TRMT11: variants seen among roughly 807,000 people sequenced by gnomAD.
The protein encoded by TRMT11 is tRNA (guanine(10)-N(2))-methyltransferase TRMT11.
Under a neutral mutation model 62.8 loss-of-function variants are expected in TRMT11, and 53 were observed. The ratio of observed to expected loss-of-function variants is 0.84; its 90% confidence interval spans 0.68 to 1.06. The LOEUF is 1.06. Ranked by LOEUF, TRMT11 falls within the 50% of genes least tolerant of loss-of-function variation. The pLI, the probability that TRMT11 is intolerant of heterozygous loss-of-function variation, is 0.00. For synonymous variants in TRMT11, 188 were observed against 190.3 expected, an observed-to-expected ratio of 0.99 and a Z score of 0.10; for missense variants, 556 against 553.4, an observed-to-expected ratio of 1.00 and a Z score of -0.05.
In TRMT11 at chr6:125,998,009, A is replaced by G. The variant is rs1178486613; in HGVS notation, c.213-44A>G. ...AATGACTGTATGTATTCCTGTGTGA[A>G]CTAAGTTCTTTACTGAGGTTAGTAC... On this transcript the variant is annotated intron_variant, in intron 3 of 12. Coordinates refer to ENST00000334379, the MANE Select transcript of TRMT11 (RefSeq NM_001031712.3). 3 of 1,337,244 alleles carry G rather than the reference A, an allele frequency of 2.2e-6. 1 individual carries two copies. Among genetic ancestry groups the G allele is most frequent in the Non-Finnish European group, 3.2e-6 (3 of 929,846 alleles). The allele number at this position is 1,337,244 out of a possible 1,614,324, so 82.8% of individuals were successfully genotyped here.
At chr6:126,183,287 C>A (rs1036078816) in intron 1 of TRMT11, among the ~76,000 whole-genome samples, 3 of 152,066 alleles carry the variant, frequency 2.0e-5, no homozygotes, top group African/African-American at 7.2e-5. Context: ...AACTGTAAGA[C>A]TTTTTATGAG....
At chr6:126,192,788 A>G (rs1435076371) in intron 1 of TRMT11, among the ~76,000 whole-genome samples, 1 of 152,184 alleles carries the variant, frequency 6.6e-6, no homozygotes, top group Non-Finnish European at 1.5e-5. Context: ...CCCTGGGAGA[A>G]ATCCCACTTG....
chr6:126,158,464 A>G (rs1426570087), intron 21 of TRMT11, among the ~76,000 whole-genome samples: 1 of 152,228 alleles, frequency 6.6e-6, no homozygotes, highest in African/African-American at 2.4e-5. Context: ...GGAAGACTAT[A>G]GGAGGAAGCT....
At chr6:126,058,978 G>C (rs186371628) in intron 17 of TRMT11, among the ~76,000 whole-genome samples, 27 of 151,392 alleles carry the variant, frequency 1.8e-4, no homozygotes, top group African/African-American at 6.3e-4. Context: ...TTATTCTCTT[G>C]TATTCCCCTG....
At chr6:126,077,759 C>T (rs1277574913) in intron 17 of TRMT11, among the ~76,000 whole-genome samples, 1 of 152,150 alleles carries the variant, frequency 6.6e-6, no homozygotes, top group Non-Finnish European at 1.5e-5. Flanking sequence ...TTTTTCACAA[C>T]CTAGTTTGGT....
the TRMT11 span, chr6:126,258,494 C>T: frequency 4.6e-6 from 1 of 216,174 alleles, no homozygotes; most frequent in Non-Finnish European, 9.3e-6. Context: ...ACAGCTGCAG[C>T]ATGCGGAGCC....
At chr6:126,260,916 A>G in the TRMT11 span, among the ~76,000 whole-genome samples, 3 of 152,112 alleles carry the variant, frequency 2.0e-5, no homozygotes, top group Non-Finnish European at 4.4e-5. Context: ...ATTTTTTGGA[A>G]GTTGAATCTA....
intron 17 of TRMT11, among the ~76,000 whole-genome samples, chr6:126,055,788 T>C (rs1001703955): frequency 6.6e-6 from 1 of 152,238 alleles, no homozygotes; most frequent in African/African-American, 2.4e-5. Context: ...TCCTCAGTGT[T>C]CTATAAAGTT....
intron 21 of TRMT11, among the ~76,000 whole-genome samples, chr6:126,160,796 T>A (rs772141524): frequency 6.6e-6 from 1 of 152,180 alleles, no homozygotes; most frequent in Non-Finnish European, 1.5e-5. Flanking sequence ...TAAAGACTAA[T>A]GATAATTAGA....
At chr6:126,231,294 A>G in the TRMT11 span, among the ~76,000 whole-genome samples, 13 of 152,248 alleles carry the variant, frequency 8.5e-5, no homozygotes, top group Non-Finnish European at 2.9e-5. Flanking sequence ...TTTAAACTGC[A>G]TGGATCCACT....
chr6:126,085,761 G>T (rs1220865037), intron 17 of TRMT11, among the ~76,000 whole-genome samples: 1 of 152,156 alleles, frequency 6.6e-6, no homozygotes, highest in African/African-American at 2.4e-5. Flanking sequence ...TATCATGATA[G>T]ATATATGTCA....
At position 126,066,370 on chromosome 6, in the gene TRMT11, T is replaced by C. The variant is rs577673705; in HGVS notation, c.*1437+13180T>C. On this transcript the variant is annotated intron_variant and NMD_transcript_variant, in intron 17 of 22. Transcript: ENST00000648977. ...ACAACAAATACCCATTCCTTACCGT[T>C]CTAGAAGCTGGACGTCCAAGATCAG... Among the ~76,000 whole-genome samples the C allele has an allele frequency of 8.5e-5, 13 of 152,166 alleles. No homozygotes were observed. In the South Asian group the frequency reaches 2.7e-3, roughly 32 times the overall value.
chr6:126,146,596 C>G (rs1160597397), intron 21 of TRMT11, among the ~76,000 whole-genome samples: 2 of 151,874 alleles, frequency 1.3e-5, no homozygotes, highest in African/African-American at 4.8e-5. Context: ...CGGCTCACTG[C>G]AACCTCCACC....
At chr6:126,257,799 G>T in the TRMT11 span, 2 of 686,552 alleles carry the variant, frequency 2.9e-6, no homozygotes, top group Non-Finnish European at 5.1e-6. Context: ...AACGAAGGGG[G>T]CAGGGGAAGA....
intron 16 of TRMT11, among the ~76,000 whole-genome samples, chr6:126,044,320 C>A (rs1390289010): frequency 6.6e-6 from 1 of 152,164 alleles, no homozygotes; most frequent in East Asian, 1.9e-4. Flanking sequence ...GAATCCTTTC[C>A]CCATTGCTTG....
At chr6:126,139,908 T>C (rs1004027375) in intron 21 of TRMT11, among the ~76,000 whole-genome samples, 1 of 152,124 alleles carries the variant, frequency 6.6e-6, no homozygotes, top group Non-Finnish European at 1.5e-5. Context: ...CTGATTCTTA[T>C]ATCTGATTTG....
chr6:126,201,058 C>T (rs577767673), intron 3 of TRMT11, among the ~76,000 whole-genome samples: 1 of 152,246 alleles, frequency 6.6e-6, no homozygotes, highest in South Asian at 2.1e-4. Flanking sequence ...AGTGACAATC[C>T]AAAGCGTACT....
At chr6:126,030,887 T>C (rs1038847122) in intron 12 of TRMT11, among the ~76,000 whole-genome samples, 5 of 152,196 alleles carry the variant, frequency 3.3e-5, no homozygotes, top group African/African-American at 2.4e-5. Context: ...TTGATGACCA[T>C]TGTTAGATAT....
At chr6:126,264,025 T>C in the TRMT11 span, among the ~76,000 whole-genome samples, 72 of 152,170 alleles carry the variant, frequency 4.7e-4, no homozygotes, top group African/African-American at 1.7e-3. Context: ...ATGTCTCAAG[T>C]AAGAATTTGA....
Sources: allele counts gnomAD v4.1 joint callset (sites outside exome capture counted in the v4.1 genomes callset), GRCh38; gene constraint gnomAD v4.1.1; transcripts MANE v1.5; gene names NCBI Gene and HGNC (gene_info 2026-07-23, HGNC 2026-07-21).